The following PRKDC variants were observed in gnomAD, a reference collection of about 807,000 sequenced individuals.
PRKDC encodes the protein DNA-dependent protein kinase catalytic subunit.
Under a neutral mutation model 486.9 loss-of-function variants are expected in PRKDC, and 82 were observed. The observed-to-expected ratio is 0.17, with a 90% CI of 0.14 to 0.20. The LOEUF (loss-of-function observed/expected upper bound fraction) is 0.20. Ranked by LOEUF, PRKDC falls within the 10% of genes least tolerant of loss-of-function variation. The pLI is 1.00. For missense variants in PRKDC, 4,504 were observed against 5,038.2 expected, an observed-to-expected ratio of 0.89 and a Z score of 3.21; for synonymous variants, 1,895 against 1,837.0, an observed-to-expected ratio of 1.03 and a Z score of -0.81.
Position 47,773,936 on chromosome 8 carries a change from T to C in PRKDC, c.*237A>G. The C allele has an allele frequency of 2.3e-6, 1 of 437,866 alleles. No homozygotes were observed. Among genetic ancestry groups the C allele is most frequent in the Middle Eastern group, 6.0e-4 (1 of 1,664 alleles). 27.1% of individuals were successfully genotyped at this position (437,866 alleles called of 1,614,324 possible). On this transcript the variant is annotated 3_prime_UTR_variant, in exon 86 of 86. Coordinates refer to ENST00000314191, the MANE Select transcript of PRKDC (RefSeq NM_006904.7). Reference sequence around the variant, plus strand: ...GACTTAATACTTTGGTAAGCCTGGATATCTATCTTTCTATAAACCTCACCT... The same window carrying C: ...GACTTAATACTTTGGTAAGCCTGGACATCTATCTTTCTATAAACCTCACCT...
At chr8:47,780,024 C>A (rs1271522599) in intron 80 of PRKDC, among the ~76,000 whole-genome samples, 1 of 149,176 alleles carries the variant, frequency 6.7e-6, no homozygotes, top group Non-Finnish European at 1.5e-5. Context: ...AAGCAATTCT[C>A]ATGCCTCAGC....
chr8:47,801,104 C>T (rs1473975490), intron 70 of PRKDC, 118 bp from the exon 71 acceptor site: 2 of 998,830 alleles, frequency 2.0e-6, no homozygotes, highest in South Asian at 3.3e-5. Context: ...TAGGGTCTCG[C>T]TCTGTTACCC....
chr8:47,902,735 C>T lies in PRKDC; in HGVS notation c.3103G>A (p.Glu1035Lys). The change falls in exon 27 of 86, where the codon GAA (glutamate) becomes AAA (lysine). Residue 1035 changes from glutamate to lysine, a missense_variant. Physicochemically the swap from Glu to Lys is moderately conservative, Grantham distance 56. Coordinates refer to ENST00000314191, the MANE Select transcript of PRKDC (RefSeq NM_006904.7). ...TGCTTAATGGACCATTTAAGGAATT[C>T]TCGAATACACCGACCACAAAAATCT... is the stretch of plus-strand genomic sequence containing the variant. Reference protein sequence around the residue: ...LRDFCGRCIREFLKWSIKQIT... With the variant: ...LRDFCGRCIRKFLKWSIKQIT... 1 of 1,613,850 alleles carries T rather than the reference C, an allele frequency of 6.2e-7. No homozygotes were observed. Among genetic ancestry groups the T allele is most frequent in the Non-Finnish European group, 8.5e-7 (1 of 1,179,818 alleles).
intron 28 of PRKDC, among the ~76,000 whole-genome samples, chr8:47,898,998 G>C (rs867446498): frequency 2.0e-5 from 3 of 152,320 alleles, no homozygotes; most frequent in African/African-American, 7.2e-5. Flanking sequence ...TAAATCCCTT[G>C]ACCTCCCTTC....
At chr8:47,883,629 C>T (rs1237307649) in intron 36 of PRKDC, among the ~76,000 whole-genome samples, 1 of 152,258 alleles carries the variant, frequency 6.6e-6, no homozygotes, top group Non-Finnish European at 1.5e-5. Context: ...GTGAGAGTTA[C>T]TCAAGTTTAC....
chr8:47,943,796 T>C (rs2154504152), intron 9 of PRKDC, 57 bp downstream of exon 9: 1 of 1,383,868 alleles, frequency 7.2e-7, no homozygotes, highest in South Asian at 1.3e-5. Flanking sequence ...AAAAGCTTAC[T>C]TGAGATGTTA....
At chr8:47,824,581 C>T (rs375467119) in intron 63 of PRKDC, among the ~76,000 whole-genome samples, 2 of 150,296 alleles carry the variant, frequency 1.3e-5, no homozygotes, top group African/African-American at 2.4e-5. Flanking sequence ...ATAATATCTA[C>T]AGGCGAACCA....
chr8:47,836,197 G>C, intron 58 of PRKDC, 141 bp downstream of exon 58: 3 of 863,394 alleles, frequency 3.5e-6, no homozygotes, highest in Non-Finnish European at 4.8e-6. Context: ...CCCCTCTTTT[G>C]AATGACATCT....
intron 11 of PRKDC, 140 bp from the exon 12 acceptor site, chr8:47,936,657 TC>T: frequency 1.0e-6 from 1 of 978,182 alleles, no homozygotes; most frequent in Non-Finnish European, 1.5e-6. Flanking sequence ...TTCGCTCTTG[TC>T]CAGGCTGGAG....
rs1228945961 is a variant in PRKDC at position 47,943,361 on chromosome 8, A to T, written c.814T>A (p.Leu272Met). The T allele has an allele frequency of 6.3e-7, 1 of 1,597,758 alleles. No homozygotes were observed. Among genetic ancestry groups the T allele is most frequent in the Non-Finnish European group, 8.5e-7 (1 of 1,174,094 alleles). Residue 272 changes from leucine (L) to methionine (M), a missense_variant, in exon 10 of 86, where the codon TTG (leucine) becomes ATG (methionine). Leu to Met is a conservative substitution (Grantham distance 15, BLOSUM62 2). Around this residue, in one of 6 missense-constraint regions of PRKDC, gnomAD observed 1,969 missense variants for 2,068.9 expected, o/e 0.95. Coordinates refer to ENST00000314191, the MANE Select transcript of PRKDC (RefSeq NM_006904.7). ...GATGCATGCAGGGCAAATAGGCGCA[A>T]GCCAGCTGCAAATGCAAATGCCATT... ...LKRYAVPSAG[L>M]RLFALHASQF...
chr8:47,881,857 C>T (rs1225929243), intron 37 of PRKDC, 55 bp downstream of exon 37: 1 of 1,421,176 alleles, frequency 7.0e-7, no homozygotes. Context: ...TTTAAAGACA[C>T]AAGTTACAGA....
chr8:47,825,408 C>T (rs893506728), intron 63 of PRKDC, among the ~76,000 whole-genome samples: 3 of 142,860 alleles, frequency 2.1e-5, no homozygotes, highest in Middle Eastern at 3.5e-3. Flanking sequence ...ACTTGGGAGG[C>T]TGAGGCAGGA....
intron 58 of PRKDC, among the ~76,000 whole-genome samples, chr8:47,834,892 G>A (rs1032739434): frequency 2.0e-5 from 3 of 151,620 alleles, no homozygotes; most frequent in East Asian, 1.9e-4. Context: ...GGGTTTCACC[G>A]TGTTAGCCAG....
intron 21 of PRKDC, among the ~76,000 whole-genome samples, chr8:47,919,131 A>T (rs1295556410): frequency 6.6e-6 from 1 of 152,184 alleles, no homozygotes; most frequent in Non-Finnish European, 1.5e-5. Context: ...CATCCAAACC[A>T]GATTATCAAC....
intron 36 of PRKDC, among the ~76,000 whole-genome samples, chr8:47,883,797 G>C (rs1434783975): frequency 6.6e-6 from 1 of 151,970 alleles, no homozygotes; most frequent in Non-Finnish European, 1.5e-5. Flanking sequence ...CCATCTCACT[G>C]AACAGGCCTT....
intron 52 of PRKDC, among the ~76,000 whole-genome samples, chr8:47,851,786 C>T (rs990774561): frequency 6.6e-6 from 1 of 152,134 alleles, no homozygotes; most frequent in African/African-American, 2.4e-5. Flanking sequence ...GGGGCTGCCA[C>T]AGGAGGAGGA....
At chr8:47,943,696 G>C (rs1352354778) in intron 9 of PRKDC, among the ~76,000 whole-genome samples, 157 bp downstream of exon 9, 1 of 152,202 alleles carries the variant, frequency 6.6e-6, no homozygotes, top group Non-Finnish European at 1.5e-5. Context: ...TTCAACCAGA[G>C]CTTACTAAGT....
At chr8:47,841,946 C>T (rs2088156037) in intron 54 of PRKDC, among the ~76,000 whole-genome samples, 1 of 152,216 alleles carries the variant, frequency 6.6e-6, no homozygotes, top group Non-Finnish European at 1.5e-5. Context: ...AGGCTGTGGG[C>T]ACCTCACCAG....
At chr8:47,917,584 G>A (rs2090006056) in intron 22 of PRKDC, among the ~76,000 whole-genome samples, 1 of 151,854 alleles carries the variant, frequency 6.6e-6, no homozygotes. Context: ...GAGAAAACTT[G>A]CCCCAAGGAA....
Sources: gnomAD v4.1 joint callset for allele counts (sites outside exome capture counted in the v4.1 genomes callset) on GRCh38, gnomAD v4.1.1 for gene constraint, gnomAD v4.1.1 regional missense constraint, MANE v1.5 for transcripts, NCBI Gene and HGNC (gene_info 2026-07-23, HGNC 2026-07-21) for gene names.